CSNK1E: variants seen among roughly 807,000 people sequenced by gnomAD.
CSNK1E encodes the protein casein kinase I isoform epsilon.
In CSNK1E, 17 loss-of-function variants were observed where a neutral mutation model predicts 46.1. The ratio of observed to expected loss-of-function variants is 0.37; its 90% CI spans 0.25 to 0.55. The LOEUF (loss-of-function observed/expected upper bound fraction) is 0.55. Ranked by LOEUF, CSNK1E falls within the 20% of genes least tolerant of loss-of-function variation. The pLI, the probability that CSNK1E is intolerant of heterozygous loss-of-function variation, is 0.82. For missense variants in CSNK1E, 386 were observed against 595.4 expected, an observed-to-expected ratio of 0.65 and a Z score of 3.66; for synonymous variants, 241 against 242.6, an observed-to-expected ratio of 0.99 and a Z score of 0.06.
intron 2 of CSNK1E, among the ~76,000 whole-genome samples, chr22:38,305,177 C>T: frequency 6.7e-6 from 1 of 149,436 alleles, no homozygotes. Flanking sequence ...CTACTTGTTT[C>T]CATATCAAAA....
intron 7 of CSNK1E, chr22:38,296,357 T>C: frequency 1.4e-6 from 2 of 1,385,794 alleles, no homozygotes; most frequent in Non-Finnish European, 1.9e-6. Context: ...TGGCTGTATG[T>C]GCTGAGAGTG....
At position 38,293,240 on chromosome 22, in the gene CSNK1E, C is replaced by T. The variant is rs1238423052; in HGVS notation, c.*32+15G>A. ...TCGGCTGGGCTGGCTGCATCTGCAG[C>T]AGTCATGGACTCACCTAAGCAAACA... On this transcript the variant is annotated intron_variant, in intron 10 of 10. Coordinates refer to ENST00000396832, the MANE Select transcript of CSNK1E (RefSeq NM_152221.3). 6.2e-7 allele frequency: 1 copy of T among 1,609,244 alleles called. No homozygotes were observed. Among genetic ancestry groups the T allele is most frequent in the South Asian group, 1.1e-5 (1 of 90,990 alleles).
intron 7 of CSNK1E, chr22:38,297,844 T>C: frequency 9.9e-7 from 1 of 1,007,816 alleles, no homozygotes; most frequent in South Asian, 3.8e-5. Flanking sequence ...AAACACTTCC[T>C]CAGGCCTGGC....
At chr22:38,293,908 C>T in intron 9 of CSNK1E, 1 of 634,786 alleles carries the variant, frequency 1.6e-6, no homozygotes, top group Non-Finnish European at 2.7e-6. Context: ...TGCCCTGAGC[C>T]TTGGTGAATG....
At position 38,298,736 on chromosome 22, in the gene CSNK1E, G is replaced by T; in HGVS notation, c.885+50C>A. On this transcript the variant is annotated intron_variant, in intron 7 of 10. Coordinates refer to ENST00000396832, the MANE Select transcript of CSNK1E (RefSeq NM_152221.3). The surrounding 1 kb of genome is among the most constrained non-coding windows in gnomAD (Gnocchi z 4.2). ...GCTCACTCTGGCCCTCTGAGTCAGG[G>T]CCTTCCCCATCCAGTCCCCCAAGCC... The T allele has an allele frequency of 6.2e-7, 1 of 1,608,114 alleles. No individual in the cohort carries two copies. The highest frequency in any genetic ancestry group is 8.5e-7 in the Non-Finnish European group (1 of 1,176,324).
intron 10 of CSNK1E, 67 bp downstream of exon 10, chr22:38,293,188 C>G: frequency 7.7e-7 from 1 of 1,305,802 alleles, no homozygotes. Context: ...ACATTGGTCT[C>G]TTTCTGGGGC....
intron 2 of CSNK1E, among the ~76,000 whole-genome samples, chr22:38,305,520 A>C (rs1232122554): frequency 6.6e-6 from 1 of 151,498 alleles, no homozygotes; most frequent in Non-Finnish European, 1.5e-5. Context: ...GTCCTAAGAG[A>C]CATACTCACT....
At chr22:38,299,592 C>T (rs1569077402) in intron 6 of CSNK1E, among the ~76,000 whole-genome samples, 2 of 152,224 alleles carry the variant, frequency 1.3e-5, no homozygotes. Flanking sequence ...GGTGCAATCT[C>T]GGCTCACTGC....
intron 6 of CSNK1E, among the ~76,000 whole-genome samples, 185 bp from the exon 7 acceptor site, chr22:38,299,119 G>C (rs1189041496): frequency 6.6e-6 from 1 of 152,208 alleles, no homozygotes; most frequent in Non-Finnish European, 1.5e-5. Context: ...GCCTGCCCGT[G>C]AGCAGAGCCT....
intron 6 of CSNK1E, among the ~76,000 whole-genome samples, chr22:38,299,220 TCTTCCGCTGCCCTCGC>T (rs1175364434): frequency 6.6e-6 from 1 of 152,146 alleles, no homozygotes; most frequent in Non-Finnish European, 1.5e-5. Context: ...TGCCCACAGC[TCTTCCGCTGCCCTCGC>T]CAAGCACCCT....
At chr22:38,305,144 A>C (rs1356239102) in intron 2 of CSNK1E, among the ~76,000 whole-genome samples, 1 of 150,776 alleles carries the variant, frequency 6.6e-6, no homozygotes, top group African/African-American at 2.4e-5. Context: ...AAAAAAAAAA[A>C]AAAGAAGAGT....
chr22:38,299,849 T>G lies in CSNK1E; in HGVS notation c.736+46A>C, dbSNP rs764636536. The G allele has an allele frequency of 1.9e-6, 3 of 1,598,088 alleles. No individual in the cohort carries two copies. The African/African-American group carries it at 4.0e-5, about 21-fold the overall frequency. ...ATGGCCTCACCTTTCCCTTAGACAG[T>G]GCCTCAGGGGCCCCCAGGCATGTCC... is the stretch of plus-strand genomic sequence containing the variant. On this transcript the variant is annotated intron_variant, in intron 6 of 10. Transcript: ENST00000396832.
At chr22:38,299,691 G>T (rs6001089) in intron 6 of CSNK1E, among the ~76,000 whole-genome samples, 3,610 of 152,306 alleles carry the variant, frequency 0.024, 115 homozygotes, top group African/African-American at 0.076. Flanking sequence ...TGTATTTTTA[G>T]TAGAGACAGG....
Position 38,301,264 on chromosome 22 carries a change from C to T in CSNK1E, c.337-312G>A, listed in dbSNP as rs535993424. ...GTTCCCCATGGAAGGCTTGCCTGCC[C>T]GGCCCCACACTCACAGGACTTAGGG... On this transcript the variant is annotated intron_variant, in intron 4 of 10. Transcript: ENST00000396832. Among the ~76,000 whole-genome samples the T allele has an allele frequency of 2.6e-5, 4 of 152,152 alleles. No homozygotes were observed. In the East Asian group the frequency reaches 5.8e-4, roughly 22 times the overall value.
chr22:38,302,247 G>A (rs980453331), intron 4 of CSNK1E, among the ~76,000 whole-genome samples: 5 of 45,398 alleles, frequency 1.1e-4, no homozygotes, highest in East Asian at 9.5e-4. Flanking sequence ...CTGTGATCCC[G>A]TGTTAATTCC....
chr22:38,298,520 C>T lies in CSNK1E; in HGVS notation c.885+266G>A. The T allele has an allele frequency of 6.4e-6, 3 of 470,044 alleles. No homozygotes were observed. Among genetic ancestry groups the T allele is most frequent in the Non-Finnish European group, 1.2e-5 (3 of 256,236 alleles). 29.1% of individuals were successfully genotyped at this position (470,044 alleles called of 1,614,324 possible). A position where few individuals can be genotyped will look rare whatever the true frequency, so the allele number is the denominator to read the frequency against. ...CACCACCCATGCCCTGCTGCGGGCA[C>T]CCAGGAGGGACCCCAGGTGAAGCCA... On this transcript the variant is annotated intron_variant, in intron 7 of 10. Coordinates refer to ENST00000396832, the MANE Select transcript of CSNK1E (RefSeq NM_152221.3). The surrounding 1 kb of genome is among the most constrained non-coding windows in gnomAD (Gnocchi z 4.2).
At position 38,291,009 on chromosome 22, in the gene CSNK1E, C is replaced by T. The variant is rs1177460253; in HGVS notation, c.*962G>A. 6.6e-6 allele frequency: 1 copy of T among 151,882 alleles called. No individual in the cohort carries two copies. The highest frequency in any genetic ancestry group is 2.4e-5 in the African/African-American group (1 of 41,384). The allele number at this position is 151,882 out of a possible 1,614,324, so 9.4% of individuals were successfully genotyped here. On this transcript the variant is annotated 3_prime_UTR_variant, in exon 11 of 11. Transcript: ENST00000396832. ...CAAAACCCAGCCCTGACTCCAGGCTCCTCCTCAGAAAGGTGGAACCAGGGA... is the reference window on the plus strand; with the variant it reads ...CAAAACCCAGCCCTGACTCCAGGCTTCTCCTCAGAAAGGTGGAACCAGGGA...
At chr22:38,305,274 C>T (rs950587709) in intron 2 of CSNK1E, among the ~76,000 whole-genome samples, 9 of 152,060 alleles carry the variant, frequency 5.9e-5, no homozygotes, top group African/African-American at 1.7e-4. Flanking sequence ...GGGAGGGACA[C>T]CTTAGGCCAT....
chr22:38,303,298 C>T lies in CSNK1E; in HGVS notation c.77-50G>A, dbSNP rs746853442. On this transcript the variant is annotated intron_variant, in intron 2 of 10. Transcript: ENST00000396832. This position sits in a 1 kb window ranked among gnomAD's most constrained non-coding sequence, Gnocchi z 4.7. ...ACCAGGGTCACCCTCAAAGGCCAGG[C>T]AGTCCCAGGCGCCCCACTAAGCATT... The T allele has an allele frequency of 6.1e-6, 9 of 1,465,608 alleles. No individual in the cohort carries two copies. Among genetic ancestry groups the T allele is most frequent in the Non-Finnish European group, 8.3e-6 (9 of 1,081,238 alleles). 90.8% of individuals were successfully genotyped at this position (1,465,608 alleles called of 1,614,324 possible).
Sources: allele counts gnomAD v4.1 joint callset (sites outside exome capture counted in the v4.1 genomes callset), GRCh38; gene constraint gnomAD v4.1.1; non-coding constraint Gnocchi (gnomAD v3.1); transcripts MANE v1.5; gene names NCBI Gene and HGNC (gene_info 2026-07-23, HGNC 2026-07-21).